MAPK9: variants seen among roughly 807,000 people sequenced by gnomAD.
MAPK9 encodes Jun kinase.
Under a neutral mutation model 57.1 loss-of-function variants are expected in MAPK9, and 30 were observed. The ratio of observed to expected loss-of-function variants is 0.53; its 90% CI spans 0.39 to 0.71. The LOEUF is 0.71. MAPK9 is among the 30% of genes least tolerant of loss of function. The pLI, the probability that MAPK9 is intolerant of heterozygous loss-of-function variation, is 0.00. For missense variants in MAPK9, 362 were observed against 521.0 expected (o/e 0.69, Z 2.97); for synonymous variants, 155 against 177.0 (o/e 0.88, Z 0.99).
intron 3 of MAPK9, among the ~76,000 whole-genome samples, chr5:180,265,318 C>A (rs1760419332): frequency 6.6e-6 from 1 of 152,208 alleles, no homozygotes; most frequent in South Asian, 2.1e-4. Context: ...GGCACCCTGA[C>A]ATGATTTGGC....
intron 8 of MAPK9, among the ~76,000 whole-genome samples, chr5:180,241,461 A>G (rs1455079370): frequency 1.3e-5 from 2 of 151,850 alleles, no homozygotes; most frequent in African/African-American, 4.8e-5. Context: ...CCATGCCCGG[A>G]TAATTTTTTG....
intron 8 of MAPK9, 26 bp from the exon 9 acceptor site, chr5:180,241,181 A>G: frequency 1.3e-6 from 2 of 1,598,692 alleles, no homozygotes; most frequent in Non-Finnish European, 1.7e-6. Flanking sequence ...ATATTAAATT[A>G]ATGCTGTTAA....
At chr5:180,282,614 G>A (rs575279054) in intron 1 of MAPK9, among the ~76,000 whole-genome samples, 104 of 152,372 alleles carry the variant, frequency 6.8e-4, no homozygotes, top group African/African-American at 2.4e-3. Context: ...TCCAGACACA[G>A]CGAACTGCTG....
intron 1 of MAPK9, among the ~76,000 whole-genome samples, chr5:180,289,716 T>TC (rs1763065889): frequency 1.3e-5 from 2 of 151,890 alleles, no homozygotes; most frequent in African/African-American, 4.8e-5. Context: ...TCCTCACAGC[T>TC]CCTCCCTCCC....
intron 5 of MAPK9, among the ~76,000 whole-genome samples, chr5:180,260,628 G>A (rs1759844097): frequency 6.6e-6 from 1 of 152,040 alleles, no homozygotes; most frequent in African/African-American, 2.4e-5. Flanking sequence ...AGGTAGTGTG[G>A]GTTTTTTTGT....
At chr5:180,276,845 C>A (rs1431652245) in intron 2 of MAPK9, among the ~76,000 whole-genome samples, 2 of 152,170 alleles carry the variant, frequency 1.3e-5, no homozygotes, top group Non-Finnish European at 2.9e-5. Context: ...GAGCAAGACT[C>A]CGTCTCAAAA....
chr5:180,285,011 T>C (rs1762616306), intron 1 of MAPK9, among the ~76,000 whole-genome samples: 2 of 152,224 alleles, frequency 1.3e-5, no homozygotes, highest in Admixed American at 6.5e-5. Context: ...TTTTCAAATG[T>C]ACATATTTCA....
intron 2 of MAPK9, among the ~76,000 whole-genome samples, chr5:180,278,428 G>A (rs570866653): frequency 1.3e-5 from 2 of 152,352 alleles, no homozygotes; most frequent in East Asian, 3.9e-4. Flanking sequence ...TAGGCCGGGC[G>A]CAGTGGCTCA....
intron 5 of MAPK9, among the ~76,000 whole-genome samples, chr5:180,250,061 G>C (rs958158031): frequency 1.3e-5 from 2 of 152,100 alleles, no homozygotes; most frequent in African/African-American, 4.8e-5. Context: ...GCCAGCACTG[G>C]TGCTGCTGTC....
intron 11 of MAPK9, 63 bp from the exon 12 acceptor site, chr5:180,236,589 C>A (rs749584110): frequency 1.8e-5 from 28 of 1,565,686 alleles, no homozygotes; most frequent in African/African-American, 2.7e-5. Flanking sequence ...ATCCAGGCAG[C>A]GAGACTGCAG....
Position 180,277,651 on chromosome 5 carries a change from C to T in MAPK9, c.122+2789G>A, listed in dbSNP as rs140889907. On this transcript the variant is annotated intron_variant, in intron 2 of 11. Coordinates refer to ENST00000452135, the MANE Select transcript of MAPK9 (RefSeq NM_002752.5). ...ATCACTGACAGATGATTTTCAAGTA[C>T]AATAGTGATGAAAGGAAGTTTCAGA... 1.6e-3 allele frequency among the ~76,000 whole-genome samples: 240 copies of T among 152,208 alleles called. 2 individuals are homozygous for T. Among genetic ancestry groups the T allele is most frequent in the African/African-American group, 5.6e-3 (233 of 41,522 alleles).
chr5:180,265,768 G>A (rs1760473804), intron 3 of MAPK9, among the ~76,000 whole-genome samples: 1 of 152,088 alleles, frequency 6.6e-6, no homozygotes, highest in Admixed American at 6.5e-5. Context: ...AGATGACTGA[G>A]GGAAAGATGA....
At chr5:180,258,451 A>C (rs1000801596) in intron 5 of MAPK9, 3 of 152,902 alleles carry the variant, frequency 2.0e-5, no homozygotes, top group Non-Finnish European at 4.4e-5. Flanking sequence ...GAAACATAAA[A>C]GAAATAATAC....
intron 5 of MAPK9, among the ~76,000 whole-genome samples, chr5:180,251,586 C>T (rs375675288): frequency 1.3e-5 from 2 of 152,124 alleles, no homozygotes; most frequent in Non-Finnish European, 1.5e-5. Context: ...ACCCTGGGAC[C>T]CTCTCTAGTC....
intron 2 of MAPK9, among the ~76,000 whole-genome samples, chr5:180,271,874 G>C (rs1393988602): frequency 6.6e-6 from 1 of 151,942 alleles, no homozygotes; most frequent in Non-Finnish European, 1.5e-5. Context: ...ATTTTTTCTA[G>C]TTTTCCCCAC....
rs559021129 is a variant in MAPK9 at position 180,247,137 on chromosome 5, T to A, written c.688+302A>T. The A allele has an allele frequency of 7.9e-5, 36 of 455,876 alleles. No individual in the cohort carries two copies. Among genetic ancestry groups the A allele is most frequent in the Non-Finnish European group, 1.2e-4 (30 of 258,304 alleles). 28.2% of individuals were successfully genotyped at this position (455,876 alleles called of 1,614,324 possible). A position where few individuals can be genotyped will look rare whatever the true frequency, so the allele number is the denominator to read the frequency against. On this transcript the variant is annotated intron_variant, in intron 7 of 11. Transcript: ENST00000452135. The surrounding 1 kb of genome is among the most constrained non-coding windows in gnomAD (Gnocchi z 4.5). ...TCATTTAAATATCAGAATATACTTA[T>A]CAAAGAGTAAATAATTTCTTCTATG... is the stretch of plus-strand genomic sequence containing the variant.
At chr5:180,277,416 C>T (rs2127617695) in intron 2 of MAPK9, among the ~76,000 whole-genome samples, 1 of 152,342 alleles carries the variant, frequency 6.6e-6, no homozygotes, top group African/African-American at 2.4e-5. Context: ...TTCGCTCTGC[C>T]ATCACATCTC....
At chr5:180,271,905 A>AT (rs1330544194) in intron 2 of MAPK9, among the ~76,000 whole-genome samples, 1 of 152,202 alleles carries the variant, frequency 6.6e-6, no homozygotes, top group Non-Finnish European at 1.5e-5. Flanking sequence ...TAAATAATAG[A>AT]TTTTATTACA....
chr5:180,240,852 G>A (rs569224644), intron 9 of MAPK9, among the ~76,000 whole-genome samples, 179 bp downstream of exon 9: 8 of 152,336 alleles, frequency 5.3e-5, no homozygotes, highest in African/African-American at 1.9e-4. Flanking sequence ...CTGAGCTGGG[G>A]CTCCAGCAGC....
Sources: allele counts gnomAD v4.1 joint callset (sites outside exome capture counted in the v4.1 genomes callset), GRCh38; gene constraint gnomAD v4.1.1; non-coding constraint Gnocchi (gnomAD v3.1); transcripts MANE v1.5; gene names NCBI Gene and HGNC (gene_info 2026-07-23, HGNC 2026-07-21).